Variants in APOLD1 observed in about 807,000 individuals in gnomAD.
The protein encoded by APOLD1 is apolipoprotein L domain containing 1.
A neutral mutation model predicts 15.3 loss-of-function variants in APOLD1; 22 were observed. That is an observed-to-expected ratio of 1.44 (90% CI 1.03 to 2.05). The LOEUF is 2.05. APOLD1 is among the 30% of genes most tolerant of loss of function. The probability of loss-of-function intolerance (pLI) is 0.00; values close to 1 mark genes in which losing one functional copy is unlikely to be tolerated. For synonymous variants in APOLD1, 190 were observed against 167.4 expected, an observed-to-expected ratio of 1.13 and a Z score of -1.04; for missense variants, 394 against 353.5, an observed-to-expected ratio of 1.11 and a Z score of -0.92.
intron 1 of APOLD1, among the ~76,000 whole-genome samples, chr12:12,736,586 T>A (rs1946688387): frequency 6.6e-6 from 1 of 152,178 alleles, no homozygotes; most frequent in Non-Finnish European, 1.5e-5. Flanking sequence ...AAATAAATTT[T>A]ATTGTTTCCT....
At chr12:12,746,937 C>G (rs1946771257) in intron 1 of APOLD1, among the ~76,000 whole-genome samples, 1 of 152,024 alleles carries the variant, frequency 6.6e-6, no homozygotes, top group African/African-American at 2.4e-5. Context: ...GTTAATGGTC[C>G]CCAGCTACAC....
At chr12:12,729,520 A>G (rs533048322) in intron 1 of APOLD1, among the ~76,000 whole-genome samples, 3 of 152,204 alleles carry the variant, frequency 2.0e-5, no homozygotes, top group East Asian at 3.9e-4. Flanking sequence ...TTGGTCTCCA[A>G]AAGTGTTGAG....
intron 1 of APOLD1, among the ~76,000 whole-genome samples, chr12:12,743,037 C>A (rs1233378505): frequency 6.6e-6 from 1 of 152,218 alleles, no homozygotes; most frequent in African/African-American, 2.4e-5. Context: ...CAGGCGTGAG[C>A]CACCGCGCCC....
chr12:12,744,257 T>C (rs991867714), intron 1 of APOLD1, among the ~76,000 whole-genome samples: 10 of 143,362 alleles, frequency 7.0e-5, no homozygotes, highest in Non-Finnish European at 1.4e-4. Context: ...TGCAGTGAGC[T>C]ATGATGGCAC....
intron 1 of APOLD1, among the ~76,000 whole-genome samples, chr12:12,774,878 G>A (rs1318067319): frequency 6.6e-6 from 1 of 152,154 alleles, no homozygotes; most frequent in East Asian, 1.9e-4. Context: ...GATGAGTTTG[G>A]AAGACAGTTT....
chr12:12,750,287 G>T (rs577899550), intron 1 of APOLD1, among the ~76,000 whole-genome samples: 16 of 146,528 alleles, frequency 1.1e-4, no homozygotes, highest in Non-Finnish European at 2.2e-4. Flanking sequence ...CAGGAGAATC[G>T]CTTGAACCCG....
chr12:12,758,870 C>G (rs1204554957), intron 1 of APOLD1, among the ~76,000 whole-genome samples: 1 of 152,180 alleles, frequency 6.6e-6, no homozygotes, highest in Non-Finnish European at 1.5e-5. Flanking sequence ...AAAGGGAACA[C>G]TTTACAGCTT....
intron 1 of APOLD1, among the ~76,000 whole-genome samples, chr12:12,765,143 C>G (rs1946934461): frequency 6.6e-6 from 1 of 152,198 alleles, no homozygotes; most frequent in Non-Finnish European, 1.5e-5. Context: ...AGACCAGCAT[C>G]TGCTTCTGAT....
At chr12:12,783,310 G>T (rs1947098972), upstream of APOLD1, among the ~76,000 whole-genome samples, 1 of 152,004 alleles carries the variant, frequency 6.6e-6, no homozygotes, top group African/African-American at 2.4e-5. Flanking sequence ...TTTTTTGTTT[G>T]TTTGTTTGTT....
chr12:12,779,252 C>G (rs750906328), intron 1 of APOLD1, among the ~76,000 whole-genome samples: 2 of 152,090 alleles, frequency 1.3e-5, no homozygotes, highest in Admixed American at 1.3e-4. Flanking sequence ...GCACACACCC[C>G]GGCACTTCCC....
At chr12:12,768,277 A>G (rs1161687571) in intron 1 of APOLD1, among the ~76,000 whole-genome samples, 1 of 152,184 alleles carries the variant, frequency 6.6e-6, no homozygotes, top group Non-Finnish European at 1.5e-5. Context: ...TAATTGCACC[A>G]CATTGTGTAG....
At chr12:12,763,517 G>T (rs867965626) in intron 1 of APOLD1, among the ~76,000 whole-genome samples, 5,078 of 150,682 alleles carry the variant, frequency 0.034, 238 homozygotes, top group African/African-American at 0.1. Flanking sequence ...TTGTGTGTGG[G>T]GGGGGGGAAA....
chr12:12,789,827 C>A lies in APOLD1; in HGVS notation c.*2175C>A, dbSNP rs771836224. ...GTCCGCACCCTTCCCAGTGATGGGGCAGTATGTCTGAGGAAGTATAATTTC... is the reference window on the plus strand; with the variant it reads ...GTCCGCACCCTTCCCAGTGATGGGGAAGTATGTCTGAGGAAGTATAATTTC... On this transcript the variant is annotated 3_prime_UTR_variant, in exon 2 of 2. Coordinates refer to ENST00000356591, the MANE Select transcript of APOLD1 (RefSeq NM_030817.3). 6.6e-6 allele frequency: 1 copy of A among 152,146 alleles called. No individual in the cohort carries two copies. The highest frequency in any genetic ancestry group is 1.5e-5 in the Non-Finnish European group (1 of 68,034). The allele number at this position is 152,146 out of a possible 1,614,324, so 9.4% of individuals were successfully genotyped here. A position where few individuals can be genotyped will look rare whatever the true frequency, so the allele number is the denominator to read the frequency against.
chr12:12,768,130 G>C (rs1160604975), intron 1 of APOLD1, among the ~76,000 whole-genome samples: 1 of 152,002 alleles, frequency 6.6e-6, no homozygotes, highest in African/African-American at 2.4e-5. Flanking sequence ...GTGGATTTTG[G>C]TATCTGTGGG....
intron 1 of APOLD1, among the ~76,000 whole-genome samples, chr12:12,754,218 AAG>A (rs1491559245): frequency 2.1e-4 from 32 of 150,122 alleles, no homozygotes; most frequent in Admixed American, 2.7e-4. Flanking sequence ...AAAAAGGAAA[AAG>A]AAAAAAAGAA....
rs1947132483 is a variant in APOLD1, at chr12:12,786,976, T to C, written c.71T>C (p.Leu24Pro). 1 of 1,438,516 alleles carries C rather than the reference T, an allele frequency of 7.0e-7. No individual in the cohort carries two copies. The highest frequency in any genetic ancestry group is 9.0e-7 in the Non-Finnish European group (1 of 1,106,502). The allele number at this position is 1,438,516 out of a possible 1,614,324, so 89.1% of individuals were successfully genotyped here. A position where few individuals can be genotyped will look rare whatever the true frequency, so the allele number is the denominator to read the frequency against. Residue 24 changes from leucine to proline, a missense_variant, in exon 2 of 2, where the codon CTG becomes CCG. Transcript: ENST00000356591. ...GCGCTGCGGCGCTTCCAGGGACTGC[T>C]GCTGGACCGCCGAGGCCGGCTGCAC... ...PDALRRFQGLLLDRRGRLHGQ... is the reference protein window; with the variant it reads ...PDALRRFQGLPLDRRGRLHGQ...
At chr12:12,736,484 G>A (rs146913864) in intron 1 of APOLD1, among the ~76,000 whole-genome samples, 188 of 152,094 alleles carry the variant, frequency 1.2e-3, no homozygotes, top group African/African-American at 4.5e-3. Context: ...CCATGATCAC[G>A]CCACTGCACT....
In APOLD1 at chr12:12,756,202, ATGT is replaced by A. The variant is rs1310222356; in HGVS notation, c.96+30113_96+30115del. Among the ~76,000 whole-genome samples, 3 of 152,178 alleles carry A rather than the reference ATGT, an allele frequency of 2.0e-5. No individual in the cohort carries two copies. The East Asian group carries it at 5.8e-4, about 29-fold the overall frequency. On this transcript the variant is annotated intron_variant, in intron 1 of 1. Transcript: ENST00000326765. ...CACGTGACTGCATGGATTTTGGTTT[ATGT>A]TGTTGTGTTTTTAACCTTCTGTTAA...
At chr12:12,767,346 G>A (rs182658687) in intron 1 of APOLD1, among the ~76,000 whole-genome samples, 3 of 152,090 alleles carry the variant, frequency 2.0e-5, no homozygotes, top group East Asian at 3.9e-4. Flanking sequence ...AAAAACAACC[G>A]TACAATAATA....
Sources: gnomAD v4.1 joint callset for allele counts (sites outside exome capture counted in the v4.1 genomes callset) on GRCh38, gnomAD v4.1.1 for gene constraint, MANE v1.5 for transcripts, NCBI Gene and HGNC (gene_info 2026-07-23, HGNC 2026-07-21) for gene names.